TFCP2: variants seen among roughly 807,000 people sequenced by gnomAD.
TFCP2 encodes the protein transcription factor CP2.
Under a neutral mutation model 73.4 loss-of-function variants are expected in TFCP2, and 33 were observed. The ratio of observed to expected loss-of-function variants is 0.45; its 90% CI spans 0.34 to 0.60. The LOEUF is 0.60. Among genes scored for constraint, TFCP2 ranks in the 20% least tolerant of loss-of-function variants. The probability of loss-of-function intolerance (pLI) is 0.01; values close to 1 mark genes in which losing one functional copy is unlikely to be tolerated. For missense variants in TFCP2, 352 were observed against 604.0 expected (o/e 0.58, Z 4.37); for synonymous variants, 193 against 211.6 (o/e 0.91, Z 0.76).
intron 13 of TFCP2, among the ~76,000 whole-genome samples, chr12:51,097,254 T>C (rs1398547444): frequency 1.3e-5 from 2 of 151,854 alleles, no homozygotes; most frequent in Non-Finnish European, 2.9e-5. Context: ...CTGGCCTTCT[T>C]TTTTTCTTTT....
intron 1 of TFCP2, among the ~76,000 whole-genome samples, chr12:51,142,202 G>A (rs1024037765): frequency 3.1e-3 from 16 of 5,130 alleles, no homozygotes; most frequent in Admixed American, 6.5e-3. Context: ...AGACTCTGTC[G>A]CAAAAAAAAA....
chr12:51,117,639 T>C (rs767653759), intron 3 of TFCP2, 32 bp downstream of exon 3: 12 of 1,542,444 alleles, frequency 7.8e-6, no homozygotes, highest in Middle Eastern at 1.7e-4. Flanking sequence ...TAGTAAAAAA[T>C]ATTGTACAGA....
intron 1 of TFCP2, among the ~76,000 whole-genome samples, chr12:51,121,282 G>A (rs780580157): frequency 1.8e-4 from 27 of 151,592 alleles, no homozygotes; most frequent in Non-Finnish European, 3.2e-4. Flanking sequence ...TTAGCCGGGC[G>A]CGTTGGCGCG....
chr12:51,109,005 T>G (rs1237424261), intron 6 of TFCP2, 116 bp downstream of exon 6: 12 of 1,155,388 alleles, frequency 1.0e-5, no homozygotes, highest in Non-Finnish European at 1.5e-5. Context: ...CTTAGACTTT[T>G]TGCGTGTGTG....
intron 1 of TFCP2, among the ~76,000 whole-genome samples, chr12:51,171,824 C>A (rs1303536387): frequency 6.6e-6 from 1 of 152,226 alleles, no homozygotes; most frequent in African/African-American, 2.4e-5. Flanking sequence ...TTAAAGCAAG[C>A]TAGTGGTAAG....
intron 4 of TFCP2, among the ~76,000 whole-genome samples, chr12:51,114,823 G>A (rs1486499082): frequency 6.6e-6 from 1 of 151,684 alleles, no homozygotes; most frequent in Non-Finnish European, 1.5e-5. Flanking sequence ...CAGCACTTTG[G>A]GAGGCCGAGG....
chr12:51,151,094 G>A (rs908529508), intron 1 of TFCP2, among the ~76,000 whole-genome samples: 4 of 152,218 alleles, frequency 2.6e-5, no homozygotes, highest in African/African-American at 9.6e-5. Flanking sequence ...CCTAAAGGAA[G>A]TAAGGAACAT....
chr12:51,140,466 T>G (rs55885030), intron 1 of TFCP2, among the ~76,000 whole-genome samples: 7 of 138,444 alleles, frequency 5.1e-5, no homozygotes, highest in Non-Finnish European at 1.1e-4. Context: ...TTTTTTTTTT[T>G]GTAGAGGTGG....
chr12:51,107,794 C>T (rs754102951), intron 6 of TFCP2, among the ~76,000 whole-genome samples: 24 of 151,718 alleles, frequency 1.6e-4, no homozygotes, highest in Admixed American at 6.6e-4. Flanking sequence ...TTAGTAGAGA[C>T]GGGGTTTCAC....
intron 4 of TFCP2, among the ~76,000 whole-genome samples, chr12:51,113,682 G>A (rs1178967583): frequency 6.6e-6 from 1 of 152,208 alleles, no homozygotes; most frequent in African/African-American, 2.4e-5. Flanking sequence ...GCAAAATAGT[G>A]AGGTATAGGC....
chr12:51,130,416 G>C (rs1393381499), intron 1 of TFCP2, among the ~76,000 whole-genome samples: 1 of 151,842 alleles, frequency 6.6e-6, no homozygotes. Flanking sequence ...AGGCTGTAGC[G>C]AGCCAAGATC....
chr12:51,159,005 TCCAA>T (rs767181718), intron 1 of TFCP2, among the ~76,000 whole-genome samples: 17,260 of 104,266 alleles, frequency 0.17, 2,036 homozygotes, highest in South Asian at 0.28. Flanking sequence ...CTACTAAAAA[TCCAA>T]AAAAAAAAAA....
intron 1 of TFCP2, among the ~76,000 whole-genome samples, chr12:51,162,466 G>C (rs1196320652): frequency 6.7e-6 from 1 of 148,814 alleles, no homozygotes; most frequent in East Asian, 2.0e-4. Context: ...AAAAAGAAAA[G>C]AAAAAGGAAA....
At chr12:51,163,370 A>G (rs1460073118) in intron 1 of TFCP2, among the ~76,000 whole-genome samples, 3 of 152,298 alleles carry the variant, frequency 2.0e-5, no homozygotes, top group Non-Finnish European at 4.4e-5. Flanking sequence ...CGGACAGATC[A>G]CCTGAAGTTG....
At chr12:51,146,612 C>CT (rs1472989525) in intron 1 of TFCP2, among the ~76,000 whole-genome samples, 2 of 152,160 alleles carry the variant, frequency 1.3e-5, no homozygotes, top group Non-Finnish European at 2.9e-5. Context: ...TTAGCATTAT[C>CT]TTGTAGGAAG....
intron 1 of TFCP2, among the ~76,000 whole-genome samples, chr12:51,165,112 T>G (rs2137048633): frequency 6.6e-6 from 1 of 152,070 alleles, no homozygotes; most frequent in Non-Finnish European, 1.5e-5. Context: ...CCTAGCACTT[T>G]GGGAGGCTGA....
intron 1 of TFCP2, among the ~76,000 whole-genome samples, chr12:51,137,524 G>GC (rs1941087672): frequency 6.6e-6 from 1 of 152,010 alleles, no homozygotes; most frequent in South Asian, 2.1e-4. Context: ...TACCTTCTTA[G>GC]TTTTTTTCAT....
chr12:51,102,807 C>T (rs958160297), intron 10 of TFCP2, among the ~76,000 whole-genome samples: 2 of 152,126 alleles, frequency 1.3e-5, no homozygotes, highest in Admixed American at 6.6e-5. Context: ...GAACGTCTTA[C>T]TGTCACTATC....
intron 1 of TFCP2, among the ~76,000 whole-genome samples, chr12:51,127,151 T>C (rs1032726653): frequency 1.3e-5 from 2 of 152,048 alleles, no homozygotes; most frequent in Non-Finnish European, 2.9e-5. Flanking sequence ...AGAAAAGAAG[T>C]AGTGGATGCC....
Sources: gnomAD v4.1 joint callset for allele counts (sites outside exome capture counted in the v4.1 genomes callset) on GRCh38, gnomAD v4.1.1 for gene constraint, MANE v1.5 for transcripts, NCBI Gene and HGNC (gene_info 2026-07-23, HGNC 2026-07-21) for gene names.